Variants in PDE1A observed in about 807,000 individuals in gnomAD.
PDE1A encodes the protein phosphodiesterase 1A, also known as dual specificity calcium/calmodulin-dependent 3',5'-cyclic nucleotide phosphodiesterase 1A.
A neutral mutation model predicts 61.7 loss-of-function variants in PDE1A; 35 were observed. The observed-to-expected ratio is 0.57, with a 90% CI of 0.43 to 0.75. PDE1A has a LOEUF of 0.75. Ranked by LOEUF, PDE1A falls within the 30% of genes least tolerant of loss-of-function variation. The pLI, the probability that PDE1A is intolerant of heterozygous loss-of-function variation, is 0.00. For synonymous variants in PDE1A, 232 were observed against 213.2 expected (o/e 1.09, Z -0.77); for missense variants, 597 against 630.6 (o/e 0.95, Z 0.57).
intron 1 of PDE1A, among the ~76,000 whole-genome samples, chr2:182,311,790 C>T (rs1156234043): frequency 6.6e-6 from 1 of 152,012 alleles, no homozygotes; most frequent in Non-Finnish European, 1.5e-5. Context: ...GGATAAATAC[C>T]TACGAATGGA....
At chr2:182,144,741 CCCTG>C (rs1345810716), downstream of PDE1A, among the ~76,000 whole-genome samples, 2 of 152,190 alleles carry the variant, frequency 1.3e-5, no homozygotes, top group African/African-American at 4.8e-5. Flanking sequence ...GCAACAGAAA[CCCTG>C]CATGCCAAAT....
rs908668461 is a variant in PDE1A, at chr2:182,385,634, AAAG to A, written c.53+40941_53+40943del. Among the ~76,000 whole-genome samples, 21 of 78,724 alleles carry A rather than the reference AAAG, an allele frequency of 2.7e-4. 1 individual carries two copies. The highest frequency in any genetic ancestry group is 1.1e-3 in the Admixed American group (8 of 7,252). The allele number at this position is 78,724 out of a possible 152,430, so 51.6% of individuals were successfully genotyped here. The stretch of plus-strand genomic sequence containing the variant: ...ATGAAAGAAACAGAAAGAAAGAAAG[AAAG>A]AAGAAGAAAGAAAGAAAGAAAGAAG... On this transcript the variant is annotated intron_variant, in intron 1 of 13. Transcript: ENST00000351439.
rs149261965 is a variant in PDE1A, at chr2:182,480,724, G to A, written c.101+41552C>T. 1.3e-3 allele frequency among the ~76,000 whole-genome samples: 200 copies of A among 151,972 alleles called. 5 individuals are homozygous for A. In the East Asian group the frequency reaches 0.027, roughly 20 times the overall value. ...TATAACGGACTTGAGCATCTTCTGAGGTTCTGAAACCAATCCCCCACGATA... is the reference window on the plus strand; with the variant it reads ...TATAACGGACTTGAGCATCTTCTGAAGTTCTGAAACCAATCCCCCACGATA... On this transcript the variant is annotated intron_variant, in intron 2 of 14. Coordinates refer to the PDE1A transcript ENST00000410103.
chr2:182,280,747 T>A (rs958141601), intron 1 of PDE1A, among the ~76,000 whole-genome samples: 1 of 151,824 alleles, frequency 6.6e-6, no homozygotes, highest in Non-Finnish European at 1.5e-5. Context: ...AAATTTTTAT[T>A]TTCAATTTTA....
intron 2 of PDE1A, among the ~76,000 whole-genome samples, chr2:182,484,463 T>A (rs1687892942): frequency 6.6e-6 from 1 of 152,002 alleles, no homozygotes; most frequent in Non-Finnish European, 1.5e-5. Flanking sequence ...GGCGAAGACT[T>A]CATGATAAAG....
At chr2:182,273,743 T>A (rs951807777) in intron 1 of PDE1A, among the ~76,000 whole-genome samples, 1 of 151,918 alleles carries the variant, frequency 6.6e-6, no homozygotes. Context: ...AGTGAGGAGA[T>A]AAAAGGTTGG....
At chr2:182,299,798 T>C (rs2125913811) in intron 1 of PDE1A, among the ~76,000 whole-genome samples, 1 of 152,276 alleles carries the variant, frequency 6.6e-6, no homozygotes, top group South Asian at 2.1e-4. Flanking sequence ...TGTTCTTGAT[T>C]ATACACCAAG....
chr2:182,386,080 C>T (rs1319943810), intron 1 of PDE1A, among the ~76,000 whole-genome samples: 2 of 152,182 alleles, frequency 1.3e-5, no homozygotes, highest in Non-Finnish European at 1.5e-5. Context: ...GTCCTAACCG[C>T]GAGTGATCCG....
At chr2:182,285,898 G>T (rs1694127614) in intron 1 of PDE1A, among the ~76,000 whole-genome samples, 1 of 152,064 alleles carries the variant, frequency 6.6e-6, no homozygotes, top group African/African-American at 2.4e-5. Context: ...TAAATCAATG[G>T]AAAGGTACAG....
the PDE1A span, among the ~76,000 whole-genome samples, chr2:182,574,209 C>T: frequency 2.6e-5 from 4 of 152,078 alleles, no homozygotes; most frequent in South Asian, 2.1e-4. Flanking sequence ...GCTTTATATC[C>T]GCTGGCAGCT....
chr2:182,406,368 C>T (rs1261562592), intron 1 of PDE1A, among the ~76,000 whole-genome samples: 1 of 86,008 alleles, frequency 1.2e-5, no homozygotes, highest in Non-Finnish European at 2.5e-5. Context: ...TTTTTTGGCT[C>T]ACAGTAAAAA....
At chr2:182,168,352 GAA>G in intron 13 of PDE1A, 1 of 1,420,354 alleles carries the variant, frequency 7.0e-7, no homozygotes, top group South Asian at 1.3e-5. Flanking sequence ...AAGAAGTTAT[GAA>G]AAAAAGTAAT....
At chr2:182,678,261 A>G in the PDE1A span, among the ~76,000 whole-genome samples, 1 of 152,164 alleles carries the variant, frequency 6.6e-6, no homozygotes, top group East Asian at 1.9e-4. Context: ...TGTCTCTACT[A>G]AAAATACAAA....
chr2:182,658,056 A>C, the PDE1A span, among the ~76,000 whole-genome samples: 2 of 102,650 alleles, frequency 1.9e-5, no homozygotes, highest in African/African-American at 6.7e-5. Context: ...GTAAAAAAAA[A>C]AAAAAAAAAA....
At chr2:182,151,200 G>T (rs935034395) in intron 13 of PDE1A, among the ~76,000 whole-genome samples, 1 of 152,134 alleles carries the variant, frequency 6.6e-6, no homozygotes, top group Non-Finnish European at 1.5e-5. Context: ...CGATTCTCCT[G>T]CTTCAGCCTC....
intron 2 of PDE1A, among the ~76,000 whole-genome samples, chr2:182,258,282 T>G (rs1691976038): frequency 6.6e-6 from 1 of 152,188 alleles, no homozygotes; most frequent in African/African-American, 2.4e-5. Flanking sequence ...AGGAAGGGAT[T>G]GAACTCATGC....
At chr2:182,222,345 CTAAAGAGACAT>C (rs1370584450) in intron 7 of PDE1A, among the ~76,000 whole-genome samples, 2 of 151,834 alleles carry the variant, frequency 1.3e-5, no homozygotes, top group Admixed American at 6.6e-5. Flanking sequence ...AAAGGCAAAA[CTAAAGAGACAT>C]TAAAGAGACC....
chr2:182,214,399 A>G (rs1395473014), intron 7 of PDE1A, among the ~76,000 whole-genome samples: 3 of 151,960 alleles, frequency 2.0e-5, no homozygotes, highest in Non-Finnish European at 2.9e-5. Flanking sequence ...GACAGGATCA[A>G]ATTCACACAT....
chr2:182,704,899 C>G, the PDE1A span, among the ~76,000 whole-genome samples: 1 of 152,164 alleles, frequency 6.6e-6, no homozygotes, highest in South Asian at 2.1e-4. Flanking sequence ...CGGGGGTCCC[C>G]AACAGTCCCT....
Sources: allele counts gnomAD v4.1 joint callset (sites outside exome capture counted in the v4.1 genomes callset), GRCh38; gene constraint gnomAD v4.1.1; transcripts MANE v1.5; gene names NCBI Gene and HGNC (gene_info 2026-07-23, HGNC 2026-07-21).